CHN2: variants seen among roughly 807,000 people sequenced by gnomAD.
The protein encoded by CHN2 is chimerin 2.
In CHN2, 35 loss-of-function variants were observed where a neutral mutation model predicts 56.3. The ratio of observed to expected loss-of-function variants is 0.62; its 90% CI spans 0.47 to 0.82. The LOEUF is 0.82. Among genes scored for constraint, CHN2 ranks in the 40% least tolerant of loss-of-function variants. The probability of loss-of-function intolerance (pLI) is 0.00; values close to 1 mark genes in which losing one functional copy is unlikely to be tolerated. For synonymous variants in CHN2, 210 were observed against 212.8 expected (o/e 0.99, Z 0.12); for missense variants, 491 against 580.5 (o/e 0.85, Z 1.58).
At position 29,513,774 on chromosome 7, in the gene CHN2, G is replaced by A. The variant is rs1249211559; in HGVS notation, c.*1039G>A. ...AACCTATTTTTTAAAGTGAGAATAA[G>A]GTTGGTTTTTACCAAATATTTGTTC... is the stretch of plus-strand genomic sequence containing the variant. On this transcript the variant is annotated 3_prime_UTR_variant, in exon 13 of 13. Coordinates refer to ENST00000222792, the MANE Select transcript of CHN2 (RefSeq NM_004067.4). 6.6e-6 allele frequency: 1 copy of A among 152,540 alleles called. No homozygotes were observed. The highest frequency in any genetic ancestry group is 1.5e-5 in the Non-Finnish European group (1 of 68,002). 9.4% of individuals were successfully genotyped at this position (152,540 alleles called of 1,614,324 possible). A position where few individuals can be genotyped will look rare whatever the true frequency, so the allele number is the denominator to read the frequency against.
intron 1 of CHN2, among the ~76,000 whole-genome samples, chr7:29,301,650 C>G (rs10254044): frequency 0.34 from 51,793 of 151,612 alleles, 9,166 homozygotes; most frequent in African/African-American, 0.42. Context: ...TTCTTAACAT[C>G]TCTCTGCCTC....
intron 2 of CHN2, among the ~76,000 whole-genome samples, chr7:29,161,798 A>C (rs1183618172): frequency 6.6e-6 from 1 of 152,258 alleles, no homozygotes; most frequent in Non-Finnish European, 1.5e-5. Flanking sequence ...ATTTATCTAT[A>C]GAATATATAA....
At chr7:29,418,101 G>A (rs1027603834) in intron 6 of CHN2, among the ~76,000 whole-genome samples, 1 of 152,238 alleles carries the variant, frequency 6.6e-6, no homozygotes, top group Non-Finnish European at 1.5e-5. Flanking sequence ...GGTTTTGAAC[G>A]GTGCTATTTC....
At chr7:29,187,345 CTGTGTG>C (rs35253523) in intron 2 of CHN2, among the ~76,000 whole-genome samples, 1 of 149,148 alleles carries the variant, frequency 6.7e-6, no homozygotes, top group Non-Finnish European at 1.5e-5. Context: ...GTTTGTGTGT[CTGTGTG>C]TGTGTGTGTG....
Position 29,157,960 on chromosome 7 carries a change from T to C in CHN2, c.274+11000T>C, listed in dbSNP as rs182286911. 2.0e-5 allele frequency among the ~76,000 whole-genome samples: 3 copies of C among 152,328 alleles called. No individual in the cohort carries two copies. In the East Asian group the frequency reaches 5.8e-4, roughly 29 times the overall value. ...TGTTTCTCATTTGTGATTCCACTCCTAAAGAGATGTTTTTTGAAAATGGTT... is the reference window on the plus strand; with the variant it reads ...TGTTTCTCATTTGTGATTCCACTCCCAAAGAGATGTTTTTTGAAAATGGTT... On this transcript the variant is annotated intron_variant, in intron 2 of 6. Transcript: ENST00000439384.
chr7:29,302,158 C>T (rs1793725957), intron 1 of CHN2, among the ~76,000 whole-genome samples: 1 of 152,164 alleles, frequency 6.6e-6, no homozygotes, highest in Non-Finnish European at 1.5e-5. Flanking sequence ...GTTTAGCGAG[C>T]GTGATTTTAA....
At chr7:29,364,166 A>G (rs1214333293) in intron 2 of CHN2, among the ~76,000 whole-genome samples, 1 of 152,222 alleles carries the variant, frequency 6.6e-6, no homozygotes, top group African/African-American at 2.4e-5. Context: ...TTTCTTAAGA[A>G]GATTCAATAC....
At chr7:29,439,551 A>G (rs1783479267) in intron 6 of CHN2, among the ~76,000 whole-genome samples, 1 of 152,104 alleles carries the variant, frequency 6.6e-6, no homozygotes, top group Admixed American at 6.5e-5. Flanking sequence ...TCAGCTGACC[A>G]TCCTCACTCA....
At chr7:29,386,338 CA>C (rs1800914308) in intron 3 of CHN2, among the ~76,000 whole-genome samples, 2 of 152,218 alleles carry the variant, frequency 1.3e-5, no homozygotes, top group African/African-American at 4.8e-5. Flanking sequence ...ATCCCCCCAT[CA>C]AAAGCCTTTT....
intron 12 of CHN2, among the ~76,000 whole-genome samples, 186 bp from the exon 13 acceptor site, chr7:29,512,378 C>T (rs1044907194): frequency 9.2e-5 from 14 of 152,136 alleles, no homozygotes; most frequent in Non-Finnish European, 1.8e-4. Flanking sequence ...AAGGCAATGT[C>T]AACAATTTAA....
In CHN2 at chr7:29,367,947, A is replaced by G; in HGVS notation, c.104A>G (p.Gln35Arg). The change falls in exon 3 of 13, where the codon CAA becomes CGA. Residue 35 changes from glutamine (Q) to arginine (R), a missense_variant. Gln to Arg is a conservative substitution (Grantham distance 43). Transcript: ENST00000222792. ...IWKSYLYQLQ[Q>R]EAPRPKRIIC... ...TTTTTGGCAGTATATCAGTTACAGC[A>G]AGAGGCACCTCGTCCCAAGAGAATC... 1 of 1,611,558 alleles carries G rather than the reference A, an allele frequency of 6.2e-7. No homozygotes were observed. Among genetic ancestry groups the G allele is most frequent in the South Asian group, 1.1e-5 (1 of 90,620 alleles).
intron 2 of CHN2, among the ~76,000 whole-genome samples, chr7:29,153,306 C>T (rs558332371): frequency 3.9e-5 from 6 of 152,302 alleles, no homozygotes; most frequent in African/African-American, 1.4e-4. Context: ...ATTTAAACTA[C>T]AGTTGACCCT....
intron 6 of CHN2, among the ~76,000 whole-genome samples, chr7:29,429,821 G>C (rs1482463629): frequency 3.3e-5 from 5 of 152,148 alleles, no homozygotes; most frequent in African/African-American, 1.2e-4. Flanking sequence ...TAACAATATG[G>C]TGTACTTTTG....
intron 1 of CHN2, among the ~76,000 whole-genome samples, chr7:29,282,211 C>A (rs1791774957): frequency 6.6e-6 from 1 of 152,186 alleles, no homozygotes; most frequent in Non-Finnish European, 1.5e-5. Context: ...GAAAGAATGA[C>A]AGGGATTCAT....
chr7:29,511,578 CCTT>C (rs1407220629), intron 12 of CHN2, among the ~76,000 whole-genome samples: 2 of 152,178 alleles, frequency 1.3e-5, no homozygotes, highest in African/African-American at 4.8e-5. Context: ...CTCTTTCCAA[CCTT>C]CTTCTTAGGC....
chr7:29,363,540 G>A (rs1798901225), intron 2 of CHN2, among the ~76,000 whole-genome samples: 2 of 152,294 alleles, frequency 1.3e-5, no homozygotes, highest in African/African-American at 4.8e-5. Context: ...AGTTCTAGTT[G>A]CTGGGGATTC....
chr7:29,281,365 C>T (rs1219246343), intron 1 of CHN2, among the ~76,000 whole-genome samples: 1 of 152,138 alleles, frequency 6.6e-6, no homozygotes, highest in African/African-American at 2.4e-5. Flanking sequence ...GATACAGCAC[C>T]ATTTTTACTT....
chr7:29,242,095 A>G (rs1296758882), intron 1 of CHN2, among the ~76,000 whole-genome samples: 1 of 152,184 alleles, frequency 6.6e-6, no homozygotes, highest in Non-Finnish European at 1.5e-5. Flanking sequence ...TCTCACAACC[A>G]TCCTATGGTT....
At chr7:29,488,682 CCCCCCCACCTCCCCCTG>C (rs927179279) in intron 7 of CHN2, among the ~76,000 whole-genome samples, 6 of 149,658 alleles carry the variant, frequency 4.0e-5, no homozygotes, top group Non-Finnish European at 6.0e-5. Flanking sequence ...GGAAACTTCA[CCCCCCCACCTCCCCCTG>C]ACCCCTGGGG....
Sources: allele counts gnomAD v4.1 joint callset (sites outside exome capture counted in the v4.1 genomes callset), GRCh38; gene constraint gnomAD v4.1.1; transcripts MANE v1.5; gene names NCBI Gene and HGNC (gene_info 2026-07-23, HGNC 2026-07-21).